GEMIN5: variants seen among roughly 807,000 people sequenced by gnomAD.
GEMIN5 encodes gem nuclear organelle associated protein 5, also known as gem-associated protein 5.
A neutral mutation model predicts 176.9 loss-of-function variants in GEMIN5; 124 were observed. That is an observed-to-expected ratio of 0.70 (90% CI 0.61 to 0.81). The LOEUF (loss-of-function observed/expected upper bound fraction) is 0.81. GEMIN5 is among the 40% of genes least tolerant of loss of function. The pLI, the probability that GEMIN5 is intolerant of heterozygous loss-of-function variation, is 0.00. For missense variants in GEMIN5, 1,843 were observed against 1,814.6 expected, an observed-to-expected ratio of 1.02 and a Z score of -0.28; for synonymous variants, 673 against 665.2, an observed-to-expected ratio of 1.01 and a Z score of -0.18.
intron 13 of GEMIN5, among the ~76,000 whole-genome samples, chr5:154,913,337 G>A (rs1763745312): frequency 6.6e-6 from 1 of 152,130 alleles, no homozygotes; most frequent in South Asian, 2.1e-4. Flanking sequence ...TATTAAGAGT[G>A]TGGACACATC....
intron 24 of GEMIN5, chr5:154,892,786 T>C (rs1311584526): frequency 1.3e-5 from 6 of 467,544 alleles, no homozygotes; most frequent in Non-Finnish European, 2.3e-5. Flanking sequence ...GAAAACACCT[T>C]TACATTTGCA....
At chr5:154,932,074 T>C in intron 4 of GEMIN5, 25 bp downstream of exon 4, 2 of 1,574,816 alleles carry the variant, frequency 1.3e-6, no homozygotes, top group Non-Finnish European at 1.7e-6. Flanking sequence ...CAAGTGGACT[T>C]AACTTTCCCT....
At position 154,888,188 on chromosome 5, in the gene GEMIN5, T is replaced by C. The variant is rs1225033876; in HGVS notation, c.*22A>G. ...ATGTCAAACATTTTCAATTTGGCAG[T>C]TTCTTCAAGGTGTGTGAAAATTCAC... On this transcript the variant is annotated 3_prime_UTR_variant, in exon 28 of 28. Coordinates refer to ENST00000285873, the MANE Select transcript of GEMIN5 (RefSeq NM_015465.5). 1 of 1,611,704 alleles carries C rather than the reference T, an allele frequency of 6.2e-7. No homozygotes were observed. The highest frequency in any genetic ancestry group is 1.1e-5 in the South Asian group (1 of 90,952).
In GEMIN5 at chr5:154,904,468, G is replaced by A. The variant is rs371077562; in HGVS notation, c.2632+39C>T. On this transcript the variant is annotated intron_variant, in intron 18 of 27. Transcript: ENST00000285873. The stretch of plus-strand genomic sequence containing the variant: ...TAAACATCCCTTATATACCAGTCCC[G>A]GAAGACTATGGATGGGCCAAGGAAG... 4.5e-5 allele frequency: 72 copies of A among 1,588,134 alleles called. No homozygotes were observed. In the Admixed American group the frequency reaches 5.6e-4, roughly 12 times the overall value.
intron 22 of GEMIN5, 93 bp downstream of exon 22, chr5:154,899,098 T>C: frequency 8.0e-7 from 1 of 1,245,112 alleles, no homozygotes; most frequent in Admixed American, 2.5e-5. Context: ...CTGCTTTACC[T>C]CCACCTCTAA....
rs774606643 is a variant in GEMIN5 at position 154,891,346 on chromosome 5, C to T, written c.4157G>A (p.Arg1386Gln). The T allele has an allele frequency of 2.4e-5, 38 of 1,613,904 alleles. No individual in the cohort carries two copies. In the East Asian group the frequency reaches 6.2e-4, roughly 26 times the overall value. ...EVQETLAEMI[R>Q]QHQKSQLCKS... is the part of the protein sequence containing the mutation. ...ACAGAGTTGACTCTTTTGGTGTTGT[C>T]GGATCATTTCTGCCAAGGTCTCTTG... is the stretch of plus-strand genomic sequence containing the variant. Residue 1386 changes from arginine (R) to glutamine (Q), a missense_variant, in exon 26 of 28, where the codon CGA (arginine) becomes CAA (glutamine). Transcript: ENST00000285873.
At chr5:154,916,590 T>A (rs1335112572) in intron 13 of GEMIN5, among the ~76,000 whole-genome samples, 1 of 152,118 alleles carries the variant, frequency 6.6e-6, no homozygotes, top group African/African-American at 2.4e-5. Flanking sequence ...TAGAATCAGA[T>A]GATCCTCTCA....
At chr5:154,925,193 A>G (rs1007283376) in intron 8 of GEMIN5, among the ~76,000 whole-genome samples, 1 of 152,230 alleles carries the variant, frequency 6.6e-6, no homozygotes, top group Non-Finnish European at 1.5e-5. Context: ...GAGATTCTGG[A>G]AGAATTTAGA....
intron 23 of GEMIN5, 58 bp from the exon 24 acceptor site, chr5:154,896,401 C>G (rs1453828421): frequency 6.7e-6 from 10 of 1,494,242 alleles, no homozygotes; most frequent in East Asian, 2.3e-5. Flanking sequence ...TGGATGATCT[C>G]GAGAGCTCTC....
Position 154,892,558 on chromosome 5 carries a change from A to G in GEMIN5, c.3598-9T>C, listed in dbSNP as rs1218537774. On this transcript the variant is annotated splice_polypyrimidine_tract_variant and intron_variant, in intron 24 of 27. Coordinates refer to ENST00000285873, the MANE Select transcript of GEMIN5 (RefSeq NM_015465.5). ...CAAATGTGAAGCAGGAGCTGGAGAGAGAAGCCAGAGTCTGAGTTAAACATC... is the reference window on the plus strand; with the variant it reads ...CAAATGTGAAGCAGGAGCTGGAGAGGGAAGCCAGAGTCTGAGTTAAACATC... The G allele has an allele frequency of 2.5e-6, 4 of 1,612,464 alleles. No individual in the cohort carries two copies. In the African/African-American group the frequency reaches 5.3e-5, roughly 22 times the overall value.
At position 154,917,198 on chromosome 5, in the gene GEMIN5, C is replaced by A; in HGVS notation, c.1674-19G>T. 2 of 1,377,672 alleles carry A rather than the reference C, an allele frequency of 1.5e-6. No individual in the cohort carries two copies. The highest frequency in any genetic ancestry group is 1.6e-5 in the South Asian group (1 of 61,886). 85.3% of individuals were successfully genotyped at this position (1,377,672 alleles called of 1,614,324 possible). A position where few individuals can be genotyped will look rare whatever the true frequency, so the allele number is the denominator to read the frequency against. The stretch of plus-strand genomic sequence containing the variant: ...TATTGATCTGGAATAAGAAACACAT[C>A]AAAACAAGAAAGATGGATGATCAAA... On this transcript the variant is annotated intron_variant, in intron 12 of 27. Coordinates refer to ENST00000285873, the MANE Select transcript of GEMIN5 (RefSeq NM_015465.5).
At chr5:154,918,640 T>C (rs777623649) in intron 11 of GEMIN5, among the ~76,000 whole-genome samples, 2 of 152,244 alleles carry the variant, frequency 1.3e-5, no homozygotes, top group African/African-American at 4.8e-5. Context: ...TGAATGTTAA[T>C]GTTTAGATAA....
intron 3 of GEMIN5, among the ~76,000 whole-genome samples, chr5:154,935,320 C>T (rs191097682): frequency 2.5e-4 from 38 of 152,250 alleles, no homozygotes; most frequent in Non-Finnish European, 3.8e-4. Context: ...AGGGAAATTG[C>T]TTAAGTCTTC....
Position 154,902,572 on chromosome 5 carries a change from G to T in GEMIN5, c.2833C>A (p.Leu945Met). 1 of 1,614,074 alleles carries T rather than the reference G, an allele frequency of 6.2e-7. No homozygotes were observed. The highest frequency in any genetic ancestry group is 8.5e-7 in the Non-Finnish European group (1 of 1,179,942). ...VLQTAAERGE[L>M]TDNLVAMAPA... The stretch of plus-strand genomic sequence containing the variant: ...GCCATAGCCACAAGGTTGTCTGTCA[G>T]CTCCCCTCTTTCTGCTGCAGTCTGG... Residue 945 changes from leucine (L) to methionine (M), a missense_variant, in exon 20 of 28, where the codon CTG becomes ATG. By Grantham distance (15) the Leu-to-Met change is conservative. Transcript: ENST00000285873.
intron 27 of GEMIN5, among the ~76,000 whole-genome samples, chr5:154,889,102 T>C (rs1763168596): frequency 6.6e-6 from 1 of 152,086 alleles, no homozygotes; most frequent in Non-Finnish European, 1.5e-5. Flanking sequence ...GGTCTTGATC[T>C]CCTGACCTCA....
At chr5:154,909,723 A>T (rs147765525) in intron 15 of GEMIN5, among the ~76,000 whole-genome samples, 3,351 of 152,230 alleles carry the variant, frequency 0.022, 57 homozygotes, top group Middle Eastern at 0.058. Context: ...TCATGCCTAT[A>T]ATCCCAGCAC....
At chr5:154,897,495 T>C (rs1432420360) in intron 23 of GEMIN5, among the ~76,000 whole-genome samples, 1 of 152,188 alleles carries the variant, frequency 6.6e-6, no homozygotes, top group African/African-American at 2.4e-5. Flanking sequence ...CCCACACTTT[T>C]CTCTTTTTTT....
chr5:154,895,011 G>A (rs544248752), intron 24 of GEMIN5, among the ~76,000 whole-genome samples: 3 of 148,362 alleles, frequency 2.0e-5, no homozygotes, highest in Middle Eastern at 3.6e-3. Context: ...CCTGGGAGGC[G>A]GAGGTTGCAG....
At chr5:154,896,032 T>C in intron 24 of GEMIN5, 60 bp downstream of exon 24, 1 of 1,577,626 alleles carries the variant, frequency 6.3e-7, no homozygotes, top group Non-Finnish European at 8.6e-7. Flanking sequence ...ACAATAGACA[T>C]GGATTAAGGA....
Sources: gnomAD v4.1 joint callset for allele counts (sites outside exome capture counted in the v4.1 genomes callset) on GRCh38, gnomAD v4.1.1 for gene constraint, MANE v1.5 for transcripts, NCBI Gene and HGNC (gene_info 2026-07-23, HGNC 2026-07-21) for gene names.